FOCAD: variants seen among roughly 807,000 people sequenced by gnomAD.
FOCAD encodes the protein focadhesin.
In FOCAD, 198 loss-of-function variants were observed where a neutral mutation model predicts 225.6. That is an observed-to-expected ratio of 0.88 (90% CI 0.78 to 0.99). The LOEUF is 0.99. Among genes scored for constraint, FOCAD ranks in the 50% least tolerant of loss-of-function variants. The pLI is 0.00. For missense variants in FOCAD, 2,713 were observed against 2,123.6 expected (o/e 1.28, Z -5.46); for synonymous variants, 897 against 755.0 (o/e 1.19, Z -3.08).
At chr9:20,730,990 C>G (rs1826638755) in intron 4 of FOCAD, among the ~76,000 whole-genome samples, 1 of 152,154 alleles carries the variant, frequency 6.6e-6, no homozygotes, top group Non-Finnish European at 1.5e-5. Context: ...AATCCCAGCA[C>G]TTTGGGAGGC....
intron 15 of FOCAD, among the ~76,000 whole-genome samples, chr9:20,856,627 G>A (rs1226244381): frequency 6.6e-6 from 1 of 151,872 alleles, no homozygotes; most frequent in Non-Finnish European, 1.5e-5. Flanking sequence ...TGCTTTGATT[G>A]TCTGTACTTT....
chr9:20,749,256 C>T (rs190190683), intron 5 of FOCAD, among the ~76,000 whole-genome samples: 33 of 152,252 alleles, frequency 2.2e-4, no homozygotes, highest in African/African-American at 7.9e-4. Context: ...AGAAAGGAAT[C>T]TTATGCTGTC....
chr9:20,952,901 G>A, intron 34 of FOCAD, 84 bp from the exon 35 acceptor site: 1 of 1,056,080 alleles, frequency 9.5e-7, no homozygotes, highest in Non-Finnish European at 1.5e-6. Flanking sequence ...TCTCTAGGTT[G>A]ATATGGCAGC....
rs1824167895 is a variant in FOCAD at position 20,820,195 on chromosome 9, T to A, written c.1561-129T>A. ...CGCTATTTTTCATCCTCTAAGAAGGTGGGTAATATTGCAGCAAGCTTTCTT... is the reference window on the plus strand; with the variant it reads ...CGCTATTTTTCATCCTCTAAGAAGGAGGGTAATATTGCAGCAAGCTTTCTT... On this transcript the variant is annotated intron_variant, in intron 12 of 43. Transcript: ENST00000338382. The A allele has an allele frequency of 6.4e-6, 4 of 629,164 alleles. No individual in the cohort carries two copies. The Admixed American group carries it at 1.3e-4, about 21-fold the overall frequency. The allele number at this position is 629,164 out of a possible 1,614,324, so 39.0% of individuals were successfully genotyped here.
Position 20,944,758 on chromosome 9 carries a change from G to C in FOCAD, c.3539G>C (p.Ser1180Thr). The C allele has an allele frequency of 6.2e-7, 1 of 1,612,960 alleles. No individual in the cohort carries two copies. Among genetic ancestry groups the C allele is most frequent in the Non-Finnish European group, 8.5e-7 (1 of 1,179,238 alleles). The change falls in exon 29 of 44, where the codon AGC (serine) becomes ACC (threonine). Residue 1180 changes from serine (S) to threonine (T), a missense_variant. By Grantham distance (58) the Ser-to-Thr change is moderately conservative. Transcript: ENST00000338382. ...CACGTAGATGACAGCGGGAGCCAGA[G>C]CAGAACGTTTCAGGAGGTAAGAGAT... is the stretch of plus-strand genomic sequence containing the variant. ...SAHVDDSGSQ[S>T]RTFQEVLAYT...
chr9:20,972,619 A>G (rs1004628128), intron 35 of FOCAD, among the ~76,000 whole-genome samples: 1 of 150,078 alleles, frequency 6.7e-6, no homozygotes, highest in Admixed American at 6.6e-5. Context: ...CTTTTCTCCT[A>G]TGCTTCTTTC....
chr9:20,709,725 T>C (rs1824677338), intron 1 of FOCAD, among the ~76,000 whole-genome samples: 1 of 152,212 alleles, frequency 6.6e-6, no homozygotes, highest in African/African-American at 2.4e-5. Flanking sequence ...TGTAAAGTCA[T>C]ATTGCAGCTT....
Position 20,765,206 on chromosome 9 carries a change from A to G in FOCAD, c.699+133A>G, listed in dbSNP as rs62557526. The G allele has an allele frequency of 0.23, 153,918 of 681,294 alleles. 19,474 individuals are homozygous for G. Among genetic ancestry groups the G allele is most frequent in the South Asian group, 0.35 (13,782 of 39,258 alleles). The allele number at this position is 681,294 out of a possible 1,614,324, so 42.2% of individuals were successfully genotyped here. A position where few individuals can be genotyped will look rare whatever the true frequency, so the allele number is the denominator to read the frequency against. On this transcript the variant is annotated intron_variant, in intron 7 of 43. Transcript: ENST00000338382. ...GATCCTCGCTCTAGAAATGCTTACA[A>G]TCTTTTGGGGAAGATGAAAGAAACA...
rs998499443 is a variant in FOCAD, at chr9:20,781,934, T to C, written c.1197+5T>C. ...TACAGAGATGACCACCAAAAGGTAATGAATCTATCCTTGTTTCTCTTAAAT... is the reference window on the plus strand; with the variant it reads ...TACAGAGATGACCACCAAAAGGTAACGAATCTATCCTTGTTTCTCTTAAAT... On this transcript the variant is annotated splice_donor_5th_base_variant and intron_variant, in intron 10 of 43. Transcript: ENST00000338382. 4 of 1,612,402 alleles carry C rather than the reference T, an allele frequency of 2.5e-6. No homozygotes were observed. In the African/African-American group the frequency reaches 5.3e-5, roughly 22 times the overall value.
At position 20,995,709 on chromosome 9, in the gene FOCAD, C is replaced by T; in HGVS notation, c.*80C>T. On this transcript the variant is annotated 3_prime_UTR_variant, in exon 44 of 44. Coordinates refer to ENST00000338382, the MANE Select transcript of FOCAD (RefSeq NM_001375567.1). ...TGGAAGAAGTTTTTCAGAATTCATGCCTGGTATTGCTGAGACATGATGCAG... is the reference window on the plus strand; with the variant it reads ...TGGAAGAAGTTTTTCAGAATTCATGTCTGGTATTGCTGAGACATGATGCAG... 8.0e-7 allele frequency: 1 copy of T among 1,256,788 alleles called. No individual in the cohort carries two copies. Among genetic ancestry groups the T allele is most frequent in the South Asian group, 1.2e-5 (1 of 82,080 alleles). The allele number at this position is 1,256,788 out of a possible 1,614,324, so 77.9% of individuals were successfully genotyped here.
At chr9:20,711,275 G>A (rs1431757182) in intron 1 of FOCAD, among the ~76,000 whole-genome samples, 1 of 152,222 alleles carries the variant, frequency 6.6e-6, no homozygotes, top group Non-Finnish European at 1.5e-5. Context: ...TTTTGAACAT[G>A]TGGGACCATT....
intron 15 of FOCAD, among the ~76,000 whole-genome samples, chr9:20,844,762 C>G (rs1826910961): frequency 6.6e-6 from 1 of 152,040 alleles, no homozygotes; most frequent in African/African-American, 2.4e-5. Flanking sequence ...TTAAACTAAT[C>G]TGAGAATATC....
At chr9:20,732,573 G>T (rs1359812942) in intron 4 of FOCAD, among the ~76,000 whole-genome samples, 1 of 152,142 alleles carries the variant, frequency 6.6e-6, no homozygotes, top group African/African-American at 2.4e-5. Flanking sequence ...TTTATCCTGG[G>T]TGGAGAAGGA....
chr9:20,668,737 G>A (rs893730605), intron 2 of FOCAD, among the ~76,000 whole-genome samples: 4 of 152,170 alleles, frequency 2.6e-5, no homozygotes, highest in Non-Finnish European at 5.9e-5. Flanking sequence ...AGCCTTGTCA[G>A]GAGATTGAAT....
At chr9:20,801,124 G>T (rs537184922) in intron 11 of FOCAD, among the ~76,000 whole-genome samples, 1 of 152,254 alleles carries the variant, frequency 6.6e-6, no homozygotes, top group East Asian at 1.9e-4. Flanking sequence ...TCCAGACCCT[G>T]TTTGCCTGGG....
chr9:20,766,814 C>T (rs1446745847), intron 7 of FOCAD, among the ~76,000 whole-genome samples: 2 of 151,878 alleles, frequency 1.3e-5, no homozygotes, highest in Non-Finnish European at 2.9e-5. Flanking sequence ...GACTACAATG[C>T]TGTTGATGTG....
intron 6 of FOCAD, among the ~76,000 whole-genome samples, chr9:20,761,468 T>C (rs1829589659): frequency 6.6e-6 from 1 of 152,152 alleles, no homozygotes; most frequent in African/African-American, 2.4e-5. Flanking sequence ...TTGCCCAGGC[T>C]GGAGTGCAGT....
intron 1 of FOCAD, among the ~76,000 whole-genome samples, chr9:20,698,123 C>G (rs922519702): frequency 2.0e-5 from 3 of 151,998 alleles, no homozygotes; most frequent in South Asian, 2.1e-4. Context: ...TTTAAAATTG[C>G]AATTAAACAT....
chr9:20,993,210 G>A (rs376380938), intron 42 of FOCAD, 43 bp from the exon 43 acceptor site: 10 of 1,501,522 alleles, frequency 6.7e-6, no homozygotes, highest in Non-Finnish European at 9.3e-6. Flanking sequence ...TTTGCTGATG[G>A]TAGGATTCTC....
Sources: allele counts gnomAD v4.1 joint callset (sites outside exome capture counted in the v4.1 genomes callset), GRCh38; gene constraint gnomAD v4.1.1; transcripts MANE v1.5; gene names NCBI Gene and HGNC (gene_info 2026-07-23, HGNC 2026-07-21).